THSD7A: variants seen among roughly 807,000 people sequenced by gnomAD.
THSD7A encodes thrombospondin type 1 domain containing 7A.
Under a neutral mutation model 231.3 loss-of-function variants are expected in THSD7A, and 96 were observed. The ratio of observed to expected loss-of-function variants is 0.41; its 90% confidence interval spans 0.35 to 0.49. The LOEUF (loss-of-function observed/expected upper bound fraction) is 0.49, where lower values mean the gene tolerates loss of function less well. THSD7A is among the 20% of genes least tolerant of loss of function. THSD7A has a pLI of 0.05. For synonymous variants in THSD7A, 940 were observed against 743.3 expected (o/e 1.26, Z -4.30); for missense variants, 2,290 against 2,070.2 (o/e 1.11, Z -2.06).
chr7:11,465,227 A>G (rs1437417820), intron 9 of THSD7A, among the ~76,000 whole-genome samples: 2 of 152,142 alleles, frequency 1.3e-5, no homozygotes, highest in African/African-American at 4.8e-5. Context: ...AGCACCTTCT[A>G]TTTCTTTCCA....
At chr7:11,732,533 T>C (rs1419543318) in intron 1 of THSD7A, among the ~76,000 whole-genome samples, 1 of 151,878 alleles carries the variant, frequency 6.6e-6, no homozygotes, top group Non-Finnish European at 1.5e-5. Flanking sequence ...TTAGAATGAA[T>C]TGTATTTTAC....
intron 13 of THSD7A, 132 bp downstream of exon 13, chr7:11,445,929 T>G: frequency 9.1e-7 from 1 of 1,097,984 alleles, no homozygotes; most frequent in Non-Finnish European, 1.3e-6. Flanking sequence ...GATATATGTA[T>G]AGTGTGGTGC....
intron 1 of THSD7A, among the ~76,000 whole-genome samples, chr7:11,737,869 A>G (rs911471396): frequency 1.3e-5 from 2 of 152,072 alleles, no homozygotes; most frequent in African/African-American, 2.4e-5. Context: ...GGCAGCCAGT[A>G]TGATCAGTGA....
chr7:11,548,574 G>A (rs1232880236), intron 4 of THSD7A, among the ~76,000 whole-genome samples: 1 of 151,810 alleles, frequency 6.6e-6, no homozygotes, highest in Non-Finnish European at 1.5e-5. Flanking sequence ...AAAACTTTAG[G>A]CCAATATCCC....
chr7:11,414,877 G>GAT (rs1783908322), intron 17 of THSD7A, among the ~76,000 whole-genome samples: 1 of 152,210 alleles, frequency 6.6e-6, no homozygotes, highest in South Asian at 2.1e-4. Context: ...TTATGTTTTA[G>GAT]ATAGCTGTAT....
chr7:11,391,540 G>A (rs1442337710), intron 23 of THSD7A, among the ~76,000 whole-genome samples: 3 of 152,160 alleles, frequency 2.0e-5, no homozygotes, highest in Non-Finnish European at 4.4e-5. Flanking sequence ...CTGTGAGTGT[G>A]GCACCTGCCC....
intron 1 of THSD7A, among the ~76,000 whole-genome samples, chr7:11,797,487 G>A (rs1379900558): frequency 1.4e-5 from 2 of 146,024 alleles, no homozygotes; most frequent in Non-Finnish European, 3.0e-5. Context: ...CACAATCTTG[G>A]CTCACTGTAG....
intron 4 of THSD7A, among the ~76,000 whole-genome samples, chr7:11,589,914 A>G (rs56090243): frequency 0.023 from 3,475 of 152,302 alleles, 136 homozygotes; most frequent in African/African-American, 0.079. Context: ...AATTAAAAAA[A>G]GATTTATCTG....
intron 6 of THSD7A, among the ~76,000 whole-genome samples, chr7:11,536,027 C>T (rs1349297172): frequency 6.6e-6 from 1 of 152,170 alleles, no homozygotes; most frequent in Non-Finnish European, 1.5e-5. Context: ...ATGTGCTCTT[C>T]CATTTTAAGT....
chr7:11,533,269 T>C (rs1205981766), intron 6 of THSD7A, among the ~76,000 whole-genome samples: 1 of 152,154 alleles, frequency 6.6e-6, no homozygotes, highest in African/African-American at 2.4e-5. Context: ...GTTCCTCGGC[T>C]ACAAATATAA....
Position 11,446,314 on chromosome 7 carries a change from T to C in THSD7A, c.2811A>G (p.Lys937=), listed in dbSNP as rs1157324073. 6.8e-6 allele frequency: 11 copies of C among 1,610,090 alleles called. No individual in the cohort carries two copies. The highest frequency in any genetic ancestry group is 1.7e-5 in the Admixed American group (1 of 59,742). The change falls in exon 13 of 28, where the codon AAA becomes AAG. Residue 937 remains lysine (K), a synonymous_variant. Transcript: ENST00000423059. This position sits in a 1 kb window ranked among gnomAD's most constrained non-coding sequence, Gnocchi z 4.0. ...GGGAATTTTTACATTTTTCCTTCTT[T>C]TTACTTTTTCCTGTGGAAGAGAAAC... The part of the protein sequence containing the change: ...TRKRTLVGKS[K]KKEKCKNSHL...
At chr7:11,556,449 T>C (rs1789849929) in intron 4 of THSD7A, among the ~76,000 whole-genome samples, 1 of 151,820 alleles carries the variant, frequency 6.6e-6, no homozygotes, top group Non-Finnish European at 1.5e-5. Flanking sequence ...GTCTACGTAT[T>C]TTTAGAATCA....
At chr7:11,700,692 T>C (rs1398219352) in intron 1 of THSD7A, among the ~76,000 whole-genome samples, 2 of 151,238 alleles carry the variant, frequency 1.3e-5, no homozygotes, top group African/African-American at 4.8e-5. Flanking sequence ...TAACAATTTG[T>C]TTTGATCTTA....
chr7:11,810,551 C>A (rs1784504039), intron 1 of THSD7A, among the ~76,000 whole-genome samples: 1 of 152,124 alleles, frequency 6.6e-6, no homozygotes, highest in Non-Finnish European at 1.5e-5. Flanking sequence ...AGGGCACCAC[C>A]CCAATGCTGC....
intron 1 of THSD7A, among the ~76,000 whole-genome samples, chr7:11,668,538 A>G (rs941171905): frequency 2.0e-5 from 3 of 151,800 alleles, no homozygotes; most frequent in African/African-American, 7.3e-5. Flanking sequence ...AGAAAGAAAG[A>G]AAGAGAAGAA....
chr7:11,741,279 T>C (rs781595843), intron 1 of THSD7A, among the ~76,000 whole-genome samples: 1 of 152,042 alleles, frequency 6.6e-6, no homozygotes, highest in African/African-American at 2.4e-5. Flanking sequence ...CTGTTTTCAA[T>C]AACCTCTGGC....
chr7:11,669,325 A>C (rs1479118369), intron 1 of THSD7A, among the ~76,000 whole-genome samples: 1 of 152,164 alleles, frequency 6.6e-6, no homozygotes. Flanking sequence ...TTCGGACATC[A>C]ATATTTAAAT....
chr7:11,646,987 C>A (rs921656342), intron 1 of THSD7A, among the ~76,000 whole-genome samples: 2 of 151,996 alleles, frequency 1.3e-5, no homozygotes, highest in African/African-American at 2.4e-5. Flanking sequence ...CTTTGTGGGA[C>A]CTTCTGAGGA....
At position 11,634,111 on chromosome 7, in the gene THSD7A, A is replaced by T. The variant is rs1323106988; in HGVS notation, c.1022+2019T>A. On this transcript the variant is annotated intron_variant, in intron 2 of 27. Coordinates refer to ENST00000423059, the MANE Select transcript of THSD7A (RefSeq NM_015204.3). This position sits in a 1 kb window ranked among gnomAD's most constrained non-coding sequence, Gnocchi z 4.1. ...CTTCTTCTCTAGGACTTTCTTGATC[A>T]CACATGATAATTCATATATAATAGA... 2.6e-5 allele frequency among the ~76,000 whole-genome samples: 4 copies of T among 152,272 alleles called. No individual in the cohort carries two copies. The highest frequency in any genetic ancestry group is 5.9e-5 in the Non-Finnish European group (4 of 68,006).
Sources: allele counts gnomAD v4.1 joint callset (sites outside exome capture counted in the v4.1 genomes callset), GRCh38; gene constraint gnomAD v4.1.1; non-coding constraint Gnocchi (gnomAD v3.1); transcripts MANE v1.5; gene names NCBI Gene and HGNC (gene_info 2026-07-23, HGNC 2026-07-21).